ZBTB38: variants seen among roughly 807,000 people sequenced by gnomAD.
The protein encoded by ZBTB38 is zinc finger and BTB domain-containing protein 38.
ZBTB38 carries 20 observed loss-of-function variants against 76.8 expected under a neutral mutation model. That is an observed-to-expected ratio of 0.26 (90% CI 0.18 to 0.38). ZBTB38 has a LOEUF of 0.38. Among genes scored for constraint, ZBTB38 ranks in the 10% least tolerant of loss-of-function variants. The probability of loss-of-function intolerance (pLI) is 1.00; values close to 1 mark genes in which losing one functional copy is unlikely to be tolerated. For synonymous variants in ZBTB38, 504 were observed against 544.2 expected (o/e 0.93, Z 1.03); for missense variants, 1,082 against 1,482.3 (o/e 0.73, Z 4.43).
chr3:141,340,946 G>GAAAAGAAAAGAA (rs1185608672), intron 1 of ZBTB38, among the ~76,000 whole-genome samples: 5 of 42,972 alleles, frequency 1.2e-4, no homozygotes, highest in African/African-American at 4.8e-4. Context: ...AGAAAAGAAA[G>GAAAAGAAAAGAA]AAGGAAAGAA....
rs1185426402 is a variant in ZBTB38 at position 141,445,210 on chromosome 3, A to G, written c.2822A>G (p.Lys941Arg). 6.2e-7 allele frequency: 1 copy of G among 1,614,082 alleles called. No individual in the cohort carries two copies. Among genetic ancestry groups the G allele is most frequent in the African/African-American group, 1.3e-5 (1 of 74,940 alleles). Residue 941 changes from lysine to arginine, a missense_variant, in exon 6 of 6, where the codon AAG (lysine) becomes AGG (arginine). Coordinates refer to ENST00000321464, the MANE Select transcript of ZBTB38 (RefSeq NM_001376113.1). The surrounding 1 kb of genome is among the most constrained non-coding windows in gnomAD (Gnocchi z 6.5). ...AAAATGAGGAAAGTCAACTGGAGGAAGGAGCACGGAAACAGGAGCCCGAGC... is the reference window on the plus strand; with the variant it reads ...AAAATGAGGAAAGTCAACTGGAGGAGGGAGCACGGAAACAGGAGCCCGAGC... ...LKKMRKVNWRKEHGNRSPSHK... is the reference protein window; with the variant it reads ...LKKMRKVNWRREHGNRSPSHK...
chr3:141,428,792 A>G (rs906333396), intron 5 of ZBTB38, among the ~76,000 whole-genome samples: 5 of 152,104 alleles, frequency 3.3e-5, no homozygotes, highest in African/African-American at 1.2e-4. Context: ...TCCATTTTTT[A>G]TGTGCCGGCC....
intron 5 of ZBTB38, chr3:141,434,253 A>G: frequency 1.0e-6 from 1 of 963,352 alleles, no homozygotes; most frequent in Non-Finnish European, 1.2e-6. Context: ...AGGTAGGGGA[A>G]CTAGGGACTG....
intron 5 of ZBTB38, among the ~76,000 whole-genome samples, chr3:141,425,634 G>A (rs549625469): frequency 7.2e-5 from 11 of 152,340 alleles, no homozygotes; most frequent in Admixed American, 6.5e-4. Flanking sequence ...TACCCCACAC[G>A]TGGCAGCCCT....
Position 141,442,285 on chromosome 3 carries a change from A to G in ZBTB38, c.1-104A>G. ...TCAACAGAATGAGATAAAAACCTGAAGTTTCATACAAAAGAACAGTTTTTC... is the reference window on the plus strand; with the variant it reads ...TCAACAGAATGAGATAAAAACCTGAGGTTTCATACAAAAGAACAGTTTTTC... On this transcript the variant is annotated intron_variant, in intron 5 of 5. Coordinates refer to ENST00000321464, the MANE Select transcript of ZBTB38 (RefSeq NM_001376113.1). The surrounding 1 kb of genome is among the most constrained non-coding windows in gnomAD (Gnocchi z 6.4). 2 of 832,826 alleles carry G rather than the reference A, an allele frequency of 2.4e-6. No individual in the cohort carries two copies. Among genetic ancestry groups the G allele is most frequent in the Non-Finnish European group, 3.8e-6 (2 of 528,020 alleles). The allele number at this position is 832,826 out of a possible 1,614,324, so 51.6% of individuals were successfully genotyped here. A position where few individuals can be genotyped will look rare whatever the true frequency, so the allele number is the denominator to read the frequency against.
At chr3:141,350,836 C>A (rs1332052451) in intron 1 of ZBTB38, among the ~76,000 whole-genome samples, 1 of 152,144 alleles carries the variant, frequency 6.6e-6, no homozygotes, top group Non-Finnish European at 1.5e-5. Flanking sequence ...TTGGTAAGAA[C>A]ATTCCTTTCC....
intron 4 of ZBTB38, among the ~76,000 whole-genome samples, chr3:141,398,109 TA>T (rs1950772260): frequency 6.6e-6 from 1 of 152,254 alleles, no homozygotes. Flanking sequence ...ATGTATAAAC[TA>T]TTCTTAGCTT....
At chr3:141,428,112 C>CGGCTG in intron 5 of ZBTB38, among the ~76,000 whole-genome samples, 1 of 152,328 alleles carries the variant, frequency 6.6e-6, no homozygotes, top group South Asian at 2.1e-4. Flanking sequence ...CTGCCATCCT[C>CGGCTG]GGCTGCCCTG....
chr3:141,417,232 T>C (rs574809507), intron 5 of ZBTB38, among the ~76,000 whole-genome samples: 3 of 152,354 alleles, frequency 2.0e-5, no homozygotes, highest in South Asian at 2.1e-4. Flanking sequence ...GCAAAATGCA[T>C]GCTCACGTTT....
chr3:141,412,233 A>G (rs1005266226), intron 5 of ZBTB38, among the ~76,000 whole-genome samples: 11 of 151,360 alleles, frequency 7.3e-5, no homozygotes, highest in African/African-American at 2.7e-4. Context: ...GGTCGGGAAG[A>G]AAAAAAAATG....
Position 141,446,081 on chromosome 3 carries a change from A to AT in ZBTB38, c.*107dup. ...CATGTGACAGTCATGAAGGAGTGAA[A>AT]TTAAAAAAAAAAAAAACTCATTTGT... On this transcript the variant is annotated 3_prime_UTR_variant, in exon 6 of 6. Coordinates refer to ENST00000321464, the MANE Select transcript of ZBTB38 (RefSeq NM_001376113.1). 1 of 933,706 alleles carries AT rather than the reference A, an allele frequency of 1.1e-6. No individual in the cohort carries two copies. The allele number at this position is 933,706 out of a possible 1,614,324, so 57.8% of individuals were successfully genotyped here. A position where few individuals can be genotyped will look rare whatever the true frequency, so the allele number is the denominator to read the frequency against.
chr3:141,443,967 A>T lies in ZBTB38; in HGVS notation c.1579A>T (p.Thr527Ser). 6.2e-7 allele frequency: 1 copy of T among 1,614,116 alleles called. No individual in the cohort carries two copies. Among genetic ancestry groups the T allele is most frequent in the Non-Finnish European group, 8.5e-7 (1 of 1,180,016 alleles). ...CATTTTCTGTCTTGAAACTTTCATG[A>T]CCTACTATATACTCAAAAATCATCA... ...QCIFCLETFMTYYILKNHQKS... is the reference protein window; with the variant it reads ...QCIFCLETFMSYYILKNHQKS... The change falls in exon 6 of 6, where the codon ACC (threonine) becomes TCC (serine). Residue 527 changes from threonine to serine, a missense_variant. Transcript: ENST00000321464. This position sits in a 1 kb window ranked among gnomAD's most constrained non-coding sequence, Gnocchi z 5.6.
intron 4 of ZBTB38, among the ~76,000 whole-genome samples, chr3:141,392,081 T>C (rs1949040215): frequency 6.6e-6 from 1 of 152,254 alleles, no homozygotes; most frequent in African/African-American, 2.4e-5. Flanking sequence ...TTGAGCCTTC[T>C]AAACATTTCA....
chr3:141,424,488 C>G (rs1484086203), intron 5 of ZBTB38, among the ~76,000 whole-genome samples: 1 of 152,098 alleles, frequency 6.6e-6, no homozygotes, highest in African/African-American at 2.4e-5. Flanking sequence ...CTACTGCACT[C>G]CAGCCTGGGT....
chr3:141,378,753 A>G (rs1383660128), intron 2 of ZBTB38, among the ~76,000 whole-genome samples: 2 of 152,094 alleles, frequency 1.3e-5, no homozygotes, highest in Non-Finnish European at 2.9e-5. Context: ...AGAGACTGAC[A>G]GCCCATCTCG....
chr3:141,344,637 G>T (rs754817202), intron 1 of ZBTB38, among the ~76,000 whole-genome samples: 1 of 152,146 alleles, frequency 6.6e-6, no homozygotes, highest in Non-Finnish European at 1.5e-5. Flanking sequence ...GCCTCCAAAA[G>T]TGCTGAGATT....
At chr3:141,365,893 T>C (rs1943951951), upstream of ZBTB38, among the ~76,000 whole-genome samples, 1 of 152,176 alleles carries the variant, frequency 6.6e-6, no homozygotes, top group Non-Finnish European at 1.5e-5. Context: ...AATTATACCT[T>C]AATAATTTTT....
chr3:141,371,031 T>G (rs1289891791), intron 2 of ZBTB38, among the ~76,000 whole-genome samples: 6 of 144,406 alleles, frequency 4.2e-5, no homozygotes, highest in Admixed American at 6.8e-5. Flanking sequence ...TTTTTTCTTT[T>G]CTTTTCTTTC....
upstream of ZBTB38, among the ~76,000 whole-genome samples, chr3:141,365,590 A>T (rs976194321): frequency 3.9e-5 from 6 of 152,210 alleles, no homozygotes; most frequent in Non-Finnish European, 7.4e-5. Context: ...CATATTGGAG[A>T]TTAAATTTCA....
Sources: allele counts gnomAD v4.1 joint callset (sites outside exome capture counted in the v4.1 genomes callset), GRCh38; gene constraint gnomAD v4.1.1; non-coding constraint Gnocchi (gnomAD v3.1); transcripts MANE v1.5; gene names NCBI Gene and HGNC (gene_info 2026-07-23, HGNC 2026-07-21).